The following TBCA variants were observed in gnomAD, a reference collection of about 807,000 sequenced individuals.
TBCA encodes tubulin-specific chaperone A.
Under a neutral mutation model 15.8 loss-of-function variants are expected in TBCA, and 6 were observed. The observed-to-expected ratio is 0.38, with a 90% confidence interval of 0.21 to 0.75. The LOEUF is 0.75. Ranked by LOEUF, TBCA falls within the 30% of genes least tolerant of loss-of-function variation. The pLI, the probability that TBCA is intolerant of heterozygous loss-of-function variation, is 0.46. For missense variants in TBCA, 90 were observed against 131.2 expected, an observed-to-expected ratio of 0.69 and a Z score of 1.53; for synonymous variants, 32 against 42.3, an observed-to-expected ratio of 0.76 and a Z score of 0.94.
At chr5:77,760,690 T>C (rs1310257330) in intron 1 of TBCA, among the ~76,000 whole-genome samples, 1 of 152,254 alleles carries the variant, frequency 6.6e-6, no homozygotes, top group Non-Finnish European at 1.5e-5. Context: ...CCCGAGGTGC[T>C]GGGATTGCAG....
At chr5:77,706,670 G>A (rs768336554) in intron 2 of TBCA, among the ~76,000 whole-genome samples, 7 of 151,812 alleles carry the variant, frequency 4.6e-5, no homozygotes, top group Non-Finnish European at 1.0e-4. Context: ...AATTAGCTGC[G>A]CGTGGTGGTG....
chr5:77,762,808 A>G (rs918259364), intron 1 of TBCA, among the ~76,000 whole-genome samples: 3 of 152,192 alleles, frequency 2.0e-5, no homozygotes, highest in African/African-American at 7.2e-5. Flanking sequence ...CCTCTCCACC[A>G]GGGAAAAACT....
At chr5:77,732,297 C>T (rs1746790786) in intron 1 of TBCA, among the ~76,000 whole-genome samples, 1 of 152,024 alleles carries the variant, frequency 6.6e-6, no homozygotes, top group African/African-American at 2.4e-5. Flanking sequence ...ACAGGCATTA[C>T]CTTATCTTAC....
chr5:77,723,919 T>G lies in TBCA; in HGVS notation c.54-15572A>C, dbSNP rs140547894. ...CCAAGAGTTCATAAATATTTTGAAA[T>G]AGTTTTTAATGTTTTCAAAACTTTA... is the stretch of plus-strand genomic sequence containing the variant. On this transcript the variant is annotated intron_variant, in intron 1 of 3. Transcript: ENST00000380377. Among the ~76,000 whole-genome samples the G allele has an allele frequency of 4.8e-3, 736 of 152,168 alleles. 4 individuals are homozygous for G. Among genetic ancestry groups the G allele is most frequent in the Middle Eastern group, 0.014 (4 of 294 alleles).
chr5:77,763,371 G>A (rs1747692916), intron 1 of TBCA, among the ~76,000 whole-genome samples: 1 of 152,192 alleles, frequency 6.6e-6, no homozygotes, highest in Admixed American at 6.5e-5. Flanking sequence ...GTATTGGAGA[G>A]GATGTGGGTC....
chr5:77,771,486 T>C (rs1024518216), intron 1 of TBCA, among the ~76,000 whole-genome samples: 8 of 152,210 alleles, frequency 5.3e-5, no homozygotes, highest in Admixed American at 5.2e-4. Flanking sequence ...TGCCATTTAC[T>C]GTACAAGGTA....
At chr5:77,703,461 T>C (rs1456874137) in intron 2 of TBCA, among the ~76,000 whole-genome samples, 2 of 152,198 alleles carry the variant, frequency 1.3e-5, no homozygotes, top group Non-Finnish European at 2.9e-5. Context: ...AATATTTGAA[T>C]GACGTGTTAT....
intron 1 of TBCA, among the ~76,000 whole-genome samples, chr5:77,770,141 AC>A (rs1747873117): frequency 6.6e-6 from 1 of 152,228 alleles, no homozygotes; most frequent in Non-Finnish European, 1.5e-5. Context: ...CTAATAAAAA[AC>A]AAACTTTTTT....
intron 1 of TBCA, among the ~76,000 whole-genome samples, chr5:77,747,344 C>A (rs1415425901): frequency 6.6e-6 from 1 of 151,950 alleles, no homozygotes; most frequent in African/African-American, 2.4e-5. Context: ...CAAATAACTT[C>A]TACAAAAAAA....
rs186470406 is a variant in TBCA, at chr5:77,732,407, C to T, written c.54-24060G>A. Among the ~76,000 whole-genome samples the T allele has an allele frequency of 3.9e-3, 586 of 151,674 alleles. 4 individuals carry two copies. The highest frequency in any genetic ancestry group is 0.012 in the African/African-American group (494 of 41,296). On this transcript the variant is annotated intron_variant, in intron 1 of 3. Transcript: ENST00000380377. Reference sequence around the variant, plus strand: ...TCTACTAAAAATACAAAAAATTAGCCGGGCGTGGTGACGGGCGCCTGTAGG... The same window carrying T: ...TCTACTAAAAATACAAAAAATTAGCTGGGCGTGGTGACGGGCGCCTGTAGG...
chr5:77,775,831 G>C (rs960845820), intron 1 of TBCA, among the ~76,000 whole-genome samples: 2 of 152,156 alleles, frequency 1.3e-5, no homozygotes, highest in African/African-American at 2.4e-5. Context: ...CCGCTTCCCC[G>C]GGCCAAGTTC....
chr5:77,775,510 G>A (rs1336010792), intron 1 of TBCA, among the ~76,000 whole-genome samples: 1 of 152,172 alleles, frequency 6.6e-6, no homozygotes, highest in Non-Finnish European at 1.5e-5. Flanking sequence ...GCTGTGTCAT[G>A]GGCACGTCCT....
At chr5:77,704,678 T>TTA (rs1746106057) in intron 2 of TBCA, among the ~76,000 whole-genome samples, 1 of 150,754 alleles carries the variant, frequency 6.6e-6, no homozygotes, top group Non-Finnish European at 1.5e-5. Flanking sequence ...TTGTATATGA[T>TTA]AAAAAAAAAG....
chr5:77,692,653 C>T, intron 3 of TBCA: 1 of 985,108 alleles, frequency 1.0e-6, no homozygotes, highest in Non-Finnish European at 1.2e-6. Flanking sequence ...GAGAAAAAAG[C>T]ATTTAAACTG....
intron 1 of TBCA, among the ~76,000 whole-genome samples, chr5:77,759,388 C>A (rs1483067742): frequency 6.6e-6 from 1 of 152,112 alleles, no homozygotes; most frequent in African/African-American, 2.4e-5. Context: ...GATTTAAGGT[C>A]TCTGTTGATG....
chr5:77,719,098 G>A (rs1746471806), intron 1 of TBCA, among the ~76,000 whole-genome samples: 1 of 152,076 alleles, frequency 6.6e-6, no homozygotes, highest in Non-Finnish European at 1.5e-5. Flanking sequence ...AGATATATTT[G>A]CTGAATGAAA....
intron 2 of TBCA, among the ~76,000 whole-genome samples, chr5:77,702,813 A>G (rs374277463): frequency 6.6e-6 from 1 of 152,362 alleles, no homozygotes; most frequent in South Asian, 2.1e-4. Context: ...TTAAAAAGCA[A>G]GTGTATTACC....
chr5:77,765,162 T>G (rs1179986195), intron 1 of TBCA, among the ~76,000 whole-genome samples: 3 of 152,210 alleles, frequency 2.0e-5, no homozygotes, highest in Non-Finnish European at 4.4e-5. Flanking sequence ...AGCAGCTGGA[T>G]TCTCGTATCT....
chr5:77,693,115 C>T lies in TBCA; in HGVS notation c.246+151G>A, dbSNP rs1321025851. ...CATAATTCAAAACACAATTTAAACT[C>T]CATTAATTATTTTAAAATATAGCGG... On this transcript the variant is annotated intron_variant, in intron 3 of 3. Transcript: ENST00000380377. The T allele has an allele frequency of 3.3e-6, 5 of 1,493,364 alleles. No individual in the cohort carries two copies. In the African/African-American group the frequency reaches 7.1e-5, roughly 21 times the overall value. 92.5% of individuals were successfully genotyped at this position (1,493,364 alleles called of 1,614,324 possible). A position where few individuals can be genotyped will look rare whatever the true frequency, so the allele number is the denominator to read the frequency against.
Sources: gnomAD v4.1 joint callset for allele counts (sites outside exome capture counted in the v4.1 genomes callset) on GRCh38, gnomAD v4.1.1 for gene constraint, MANE v1.5 for transcripts, NCBI Gene and HGNC (gene_info 2026-07-23, HGNC 2026-07-21) for gene names.